Variants in CD58 observed in about 807,000 individuals in gnomAD.
CD58 encodes the protein CD58 molecule, also known as lymphocyte function-associated antigen 3.
A neutral mutation model predicts 27.6 loss-of-function variants in CD58; 14 were observed. The observed-to-expected ratio is 0.51, with a 90% CI of 0.34 to 0.79. The LOEUF (loss-of-function observed/expected upper bound fraction) is 0.79, where lower values mean the gene tolerates loss of function less well. CD58 is among the 30% of genes least tolerant of loss of function. CD58 has a pLI of 0.02. For missense variants in CD58, 268 were observed against 301.7 expected, an observed-to-expected ratio of 0.89 and a Z score of 0.83; for synonymous variants, 117 against 103.8, an observed-to-expected ratio of 1.13 and a Z score of -0.77.
chr1:116,519,116 T>C lies in CD58; in HGVS notation c.743+115A>G. On this transcript the variant is annotated intron_variant, in intron 5 of 5. Coordinates refer to ENST00000369489, the MANE Select transcript of CD58 (RefSeq NM_001779.3). The surrounding 1 kb of genome is among the most constrained non-coding windows in gnomAD (Gnocchi z 4.7). ...TAGTATATCTGCTGATGTTACTTCT[T>C]ATTACTGTACAAGGCAACCAACAGA... 1 of 1,544,908 alleles carries C rather than the reference T, an allele frequency of 6.5e-7. No individual in the cohort carries two copies. The highest frequency in any genetic ancestry group is 8.7e-7 in the Non-Finnish European group (1 of 1,143,454).
At position 116,536,232 on chromosome 1, in the gene CD58, GA is replaced by G. The variant is rs561957680; in HGVS notation, c.365-5del. The G allele has an allele frequency of 4.2e-5, 67 of 1,586,976 alleles. No homozygotes were observed. In the African/African-American group the frequency reaches 6.0e-4, roughly 14 times the overall value. On this transcript the variant is annotated splice_polypyrimidine_tract_variant and splice_region_variant and intron_variant, in intron 2 of 5. Coordinates refer to ENST00000369489, the MANE Select transcript of CD58 (RefSeq NM_001779.3). The surrounding 1 kb of genome is among the most constrained non-coding windows in gnomAD (Gnocchi z 5.4). ...AGTGTGGGAGATGGAAGAGACTCTG[GA>G]AAAAAAAGTATAATATTTAGTACAG...
At chr1:116,549,654 C>CATA (rs1456119545) in intron 1 of CD58, among the ~76,000 whole-genome samples, 1 of 152,162 alleles carries the variant, frequency 6.6e-6, no homozygotes, top group African/African-American at 2.4e-5. Flanking sequence ...GAAAAACGAT[C>CATA]ATATAAGTAT....
intron 1 of CD58, among the ~76,000 whole-genome samples, chr1:116,551,471 C>T (rs529321996): frequency 6.6e-6 from 1 of 152,218 alleles, no homozygotes; most frequent in Non-Finnish European, 1.5e-5. Flanking sequence ...CCTCTCTCAG[C>T]CTTCACAGAA....
chr1:116,558,675 C>CA (rs1283033787), intron 1 of CD58, among the ~76,000 whole-genome samples: 1 of 152,168 alleles, frequency 6.6e-6, no homozygotes, highest in Non-Finnish European at 1.5e-5. Flanking sequence ...TGTTTTAACT[C>CA]AATCAAGTTT....
chr1:116,570,401 T>C lies in CD58; in HGVS notation c.70+502A>G, dbSNP rs1365347344. Among the ~76,000 whole-genome samples the C allele has an allele frequency of 2.6e-5, 4 of 152,144 alleles. No individual in the cohort carries two copies. Among genetic ancestry groups the C allele is most frequent in the Non-Finnish European group, 1.5e-5 (1 of 68,010 alleles). ...CCCGCTCCTCGCTGTGGGGCGATTC[T>C]GAAAAGTCCTCTCTGCTGATACGGC... On this transcript the variant is annotated intron_variant, in intron 1 of 5. Transcript: ENST00000369489. The surrounding 1 kb of genome is among the most constrained non-coding windows in gnomAD (Gnocchi z 6.4).
intron 2 of CD58, among the ~76,000 whole-genome samples, chr1:116,542,145 G>A (rs1658007940): frequency 6.6e-6 from 1 of 152,216 alleles, no homozygotes; most frequent in Admixed American, 6.5e-5. Context: ...AGGCATGGTG[G>A]TGCATGCCTG....
rs1238557059 is a variant in CD58, at chr1:116,546,933, A to AAG, written c.71-2331_71-2330dup. ...CTTTAACGTGAAGATAATGAGGATG[A>AAG]AGACCTTTGATGATCCACTTTCACT... On this transcript the variant is annotated intron_variant, in intron 1 of 5. Coordinates refer to ENST00000369489, the MANE Select transcript of CD58 (RefSeq NM_001779.3). This position sits in a 1 kb window ranked among gnomAD's most constrained non-coding sequence, Gnocchi z 4.1. 3.3e-5 allele frequency among the ~76,000 whole-genome samples: 5 copies of AAG among 152,308 alleles called. No homozygotes were observed. Among genetic ancestry groups the AAG allele is most frequent in the Middle Eastern group, 3.4e-3 (1 of 294 alleles).
intron 4 of CD58, among the ~76,000 whole-genome samples, chr1:116,520,831 A>G (rs1331117699): frequency 2.2e-4 from 33 of 152,226 alleles, no homozygotes. Context: ...ATAATCTATT[A>G]CTTAGGGATG....
chr1:116,569,374 T>A (rs780950838), intron 1 of CD58, among the ~76,000 whole-genome samples: 1 of 152,144 alleles, frequency 6.6e-6, no homozygotes, highest in South Asian at 2.1e-4. Context: ...AGGCGCATGG[T>A]CCTGATCCTG....
At position 116,570,859 on chromosome 1, in the gene CD58, T is replaced by A. The variant is rs982510646; in HGVS notation, c.70+44A>T. The A allele has an allele frequency of 1.8e-5, 27 of 1,489,250 alleles. No individual in the cohort carries two copies. Among genetic ancestry groups the A allele is most frequent in the Middle Eastern group, 4.3e-4 (2 of 4,616 alleles). The allele number at this position is 1,489,250 out of a possible 1,614,324, so 92.3% of individuals were successfully genotyped here. A position where few individuals can be genotyped will look rare whatever the true frequency, so the allele number is the denominator to read the frequency against. On this transcript the variant is annotated intron_variant, in intron 1 of 5. Transcript: ENST00000369489. The surrounding 1 kb of genome is among the most constrained non-coding windows in gnomAD (Gnocchi z 6.4). ...TCCACCCAGCCTGGGTGCTGCCCAG[T>A]ACCCGCCGGCCGGCGCGGGGCCCCT...
chr1:116,528,031 G>A lies in CD58; in HGVS notation c.629-6048C>T, dbSNP rs1373919738. Among the ~76,000 whole-genome samples the A allele has an allele frequency of 6.6e-6, 1 of 152,140 alleles. No individual in the cohort carries two copies. The highest frequency in any genetic ancestry group is 1.5e-5 in the Non-Finnish European group (1 of 68,032). On this transcript the variant is annotated intron_variant, in intron 3 of 5. Coordinates refer to ENST00000369489, the MANE Select transcript of CD58 (RefSeq NM_001779.3). This position sits in a 1 kb window ranked among gnomAD's most constrained non-coding sequence, Gnocchi z 4.4. ...TCCCGTCTTGGCCTCACAAAGTGTT[G>A]GGATTATAGGCATAAGCCACTGCAC...
rs1657719513 is a variant in CD58 at position 116,534,399 on chromosome 1, A to T, written c.628+1566T>A. 6.6e-6 allele frequency among the ~76,000 whole-genome samples: 1 copy of T among 152,194 alleles called. No individual in the cohort carries two copies. On this transcript the variant is annotated intron_variant, in intron 3 of 5. Coordinates refer to ENST00000369489, the MANE Select transcript of CD58 (RefSeq NM_001779.3). The surrounding 1 kb of genome is among the most constrained non-coding windows in gnomAD (Gnocchi z 5.3). ...GGTCCTGGACGTCTCCACCTTAAAA[A>T]CGGGAAGCCTGAATGCTCCTCCGGG...
chr1:116,538,412 C>T lies in CD58; in HGVS notation c.365-2184G>A, dbSNP rs973796290. Among the ~76,000 whole-genome samples the T allele has an allele frequency of 3.9e-5, 6 of 152,138 alleles. No homozygotes were observed. The highest frequency in any genetic ancestry group is 7.3e-5 in the Non-Finnish European group (5 of 68,028). ...GCATCCCCAGAATAGTTCAAAAATG[C>T]CTGTTCTCAGTATTTCATATACTTA... is the stretch of plus-strand genomic sequence containing the variant. On this transcript the variant is annotated intron_variant, in intron 2 of 5. Transcript: ENST00000369489. The surrounding 1 kb of genome is among the most constrained non-coding windows in gnomAD (Gnocchi z 4.7).
rs1657813627 is a variant in CD58 at position 116,536,497 on chromosome 1, G to A, written c.365-269C>T. 6.6e-6 allele frequency among the ~76,000 whole-genome samples: 1 copy of A among 152,108 alleles called. No individual in the cohort carries two copies. The highest frequency in any genetic ancestry group is 1.5e-5 in the Non-Finnish European group (1 of 68,032). ...TTGTAATTCCCATGTGTCGAGAGAG[G>A]GACCTGGTGGGAGGTGATTGTACCA... On this transcript the variant is annotated intron_variant, in intron 2 of 5. Transcript: ENST00000369489. The surrounding 1 kb of genome is among the most constrained non-coding windows in gnomAD (Gnocchi z 5.4).
chr1:116,542,772 A>G (rs957686034), intron 2 of CD58, among the ~76,000 whole-genome samples: 1 of 152,236 alleles, frequency 6.6e-6, no homozygotes, highest in Non-Finnish European at 1.5e-5. Context: ...GTGAGAACTC[A>G]GAAAGTCCAT....
At chr1:116,566,694 C>T (rs770438350) in intron 1 of CD58, among the ~76,000 whole-genome samples, 9 of 151,910 alleles carry the variant, frequency 5.9e-5, no homozygotes, top group South Asian at 2.1e-4. Flanking sequence ...GTGGGGTTGC[C>T]GAGCATCAAA....
rs1657604356 is a variant in CD58, at chr1:116,531,478, T to C, written c.628+4487A>G. Among the ~76,000 whole-genome samples, 1 of 152,236 alleles carries C rather than the reference T, an allele frequency of 6.6e-6. No individual in the cohort carries two copies. Among genetic ancestry groups the C allele is most frequent in the African/African-American group, 2.4e-5 (1 of 41,468 alleles). The stretch of plus-strand genomic sequence containing the variant: ...TGGTTTTATTTTTTGTTGTTCCCAT[T>C]ATAAAGCAACTATCTGCTTTTACAA... On this transcript the variant is annotated intron_variant, in intron 3 of 5. Transcript: ENST00000369489. The surrounding 1 kb of genome is among the most constrained non-coding windows in gnomAD (Gnocchi z 4.5).
intron 3 of CD58, among the ~76,000 whole-genome samples, chr1:116,526,717 A>G (rs905704120): frequency 6.6e-6 from 1 of 152,182 alleles, no homozygotes; most frequent in Admixed American, 6.5e-5. Flanking sequence ...GCTGATATCC[A>G]CAAATGACTT....
In CD58 at chr1:116,538,048, G is replaced by A. The variant is rs1280134537; in HGVS notation, c.365-1820C>T. ...TTCTCCTCCTCCTGAATTCCTTCTC[G>A]CTCAGTTAAATAAAGTACCCAGCCT... On this transcript the variant is annotated intron_variant, in intron 2 of 5. Coordinates refer to ENST00000369489, the MANE Select transcript of CD58 (RefSeq NM_001779.3). The surrounding 1 kb of genome is among the most constrained non-coding windows in gnomAD (Gnocchi z 4.7). Among the ~76,000 whole-genome samples the A allele has an allele frequency of 2.6e-5, 4 of 151,964 alleles. No individual in the cohort carries two copies. The highest frequency in any genetic ancestry group is 2.1e-4 in the South Asian group (1 of 4,814).
Sources: allele counts gnomAD v4.1 joint callset (sites outside exome capture counted in the v4.1 genomes callset), GRCh38; gene constraint gnomAD v4.1.1; non-coding constraint Gnocchi (gnomAD v3.1); transcripts MANE v1.5; gene names NCBI Gene and HGNC (gene_info 2026-07-23, HGNC 2026-07-21).